Variants in SMAD2 observed in about 807,000 individuals in gnomAD.
SMAD2 encodes the protein MAD homolog 2.
SMAD2 carries 8 observed loss-of-function variants against 64.4 expected under a neutral mutation model. The ratio of observed to expected loss-of-function variants is 0.12; its 90% CI spans 0.07 to 0.22. The LOEUF (loss-of-function observed/expected upper bound fraction) is 0.22, where lower values mean the gene tolerates loss of function less well. SMAD2 is among the 10% of genes least tolerant of loss of function. The pLI is 1.00. For synonymous variants in SMAD2, 203 were observed against 195.8 expected (o/e 1.04, Z -0.31); for missense variants, 289 against 561.2 (o/e 0.51, Z 4.90).
Position 47,830,107 on chromosome 18 carries a change from C to T in SMAD2, c.*11720G>A, listed in dbSNP as rs940410913. 8.5e-5 allele frequency: 13 copies of T among 152,070 alleles called. No homozygotes were observed. Among genetic ancestry groups the T allele is most frequent in the African/African-American group, 2.9e-4 (12 of 41,410 alleles). The allele number at this position is 152,070 out of a possible 1,614,324, so 9.4% of individuals were successfully genotyped here. A position where few individuals can be genotyped will look rare whatever the true frequency, so the allele number is the denominator to read the frequency against. On this transcript the variant is annotated 3_prime_UTR_variant, in exon 11 of 11. Coordinates refer to ENST00000262160, the MANE Select transcript of SMAD2 (RefSeq NM_005901.6). ...CCTTAGAATATGTGTTTGTGATTGA[C>T]GATGTACATTTTTAAATGTGGTGAT...
intron 1 of SMAD2, among the ~76,000 whole-genome samples, chr18:47,924,467 CT>C (rs935951805): frequency 2.8e-3 from 404 of 142,930 alleles, no homozygotes; most frequent in African/African-American, 7.3e-3. Flanking sequence ...TCTTTTTTTT[CT>C]TTTTTTTTTT....
At chr18:47,898,440 A>G (rs1184313817) in intron 1 of SMAD2, among the ~76,000 whole-genome samples, 2 of 152,246 alleles carry the variant, frequency 1.3e-5, no homozygotes, top group African/African-American at 4.8e-5. Context: ...AAACTGGATA[A>G]AACATTTTTA....
chr18:47,881,796 T>C (rs993418356), intron 2 of SMAD2, among the ~76,000 whole-genome samples: 6 of 152,204 alleles, frequency 3.9e-5, no homozygotes, highest in African/African-American at 1.4e-4. Context: ...GGATGATGAA[T>C]TTTGTCAAAT....
In SMAD2 at chr18:47,834,378, AG is replaced by A. The variant is rs1913208780; in HGVS notation, c.*7448del. ...TAAGGCCTCTGATGTGCTACTTATC[AG>A]AAAAATCCACATATATACAAAACTC... On this transcript the variant is annotated 3_prime_UTR_variant, in exon 11 of 11. Transcript: ENST00000262160. 1 of 207,904 alleles carries A rather than the reference AG, an allele frequency of 4.8e-6. No individual in the cohort carries two copies. Among genetic ancestry groups the A allele is most frequent in the African/African-American group, 2.3e-5 (1 of 43,912 alleles). The allele number at this position is 207,904 out of a possible 1,614,324, so 12.9% of individuals were successfully genotyped here.
rs901710584 is a variant in SMAD2, at chr18:47,835,512, GAGAAA to G, written c.*6310_*6314del. 5.1e-6 allele frequency: 1 copy of G among 195,242 alleles called. No individual in the cohort carries two copies. The highest frequency in any genetic ancestry group is 1.1e-5 in the Non-Finnish European group (1 of 93,922). 12.1% of individuals were successfully genotyped at this position (195,242 alleles called of 1,614,324 possible). On this transcript the variant is annotated 3_prime_UTR_variant, in exon 11 of 11. Coordinates refer to ENST00000262160, the MANE Select transcript of SMAD2 (RefSeq NM_005901.6). ...ACAAATGTTTTCTTAGGGACTTACT[GAGAAA>G]AGAAAAAACTTACTGGGAGAACAGA... is the stretch of plus-strand genomic sequence containing the variant.
At chr18:47,868,185 A>G (rs2031702479) in intron 5 of SMAD2, 138 bp downstream of exon 5, 2 of 738,814 alleles carry the variant, frequency 2.7e-6, no homozygotes, top group Non-Finnish European at 4.8e-6. Context: ...CAAAATAATC[A>G]CCCAACGAAT....
chr18:47,859,210 C>T (rs2030972229), intron 6 of SMAD2, among the ~76,000 whole-genome samples: 1 of 151,974 alleles, frequency 6.6e-6, no homozygotes, highest in South Asian at 2.1e-4. Context: ...ACTGACAGGA[C>T]TAAAGGCACA....
In SMAD2 at chr18:47,847,208, C is replaced by T. The variant is rs189893705; in HGVS notation, c.997+1267G>A. ...ACTATTTTAGTTAAAGCACCTACAGCGACACTGGGTATCTTAATAAGATTA... is the reference window on the plus strand; with the variant it reads ...ACTATTTTAGTTAAAGCACCTACAGTGACACTGGGTATCTTAATAAGATTA... On this transcript the variant is annotated intron_variant, in intron 8 of 10. Coordinates refer to ENST00000262160, the MANE Select transcript of SMAD2 (RefSeq NM_005901.6). Among the ~76,000 whole-genome samples the T allele has an allele frequency of 1.6e-3, 236 of 152,176 alleles. 1 individual carries two copies. The highest frequency in any genetic ancestry group is 5.5e-3 in the African/African-American group (230 of 41,536).
At chr18:47,853,359 T>A in intron 6 of SMAD2, 1 of 211,128 alleles carries the variant, frequency 4.7e-6, no homozygotes, top group Non-Finnish European at 7.7e-6. Flanking sequence ...AGACGTCTTG[T>A]GATGTAATTA....
intron 2 of SMAD2, among the ~76,000 whole-genome samples, chr18:47,872,655 T>A (rs2032007519): frequency 6.6e-6 from 1 of 152,118 alleles, no homozygotes; most frequent in Non-Finnish European, 1.5e-5. Context: ...AGATCAGCAG[T>A]GGCATTAGAT....
chr18:47,905,627 T>C (rs567610948), intron 1 of SMAD2, among the ~76,000 whole-genome samples: 3 of 152,268 alleles, frequency 2.0e-5, no homozygotes, highest in African/African-American at 7.2e-5. Context: ...CCCACACATA[T>C]ACAGTCAACT....
intron 1 of SMAD2, among the ~76,000 whole-genome samples, chr18:47,899,805 T>C (rs893735291): frequency 6.6e-6 from 1 of 152,218 alleles, no homozygotes; most frequent in Non-Finnish European, 1.5e-5. Flanking sequence ...CCTTCTTTGA[T>C]GCAAACAGCT....
chr18:47,871,976 C>T (rs1598808800), intron 2 of SMAD2, among the ~76,000 whole-genome samples: 1 of 152,128 alleles, frequency 6.6e-6, no homozygotes, highest in African/African-American at 2.4e-5. Context: ...TGTATCAGAA[C>T]ATTTCACTCA....
chr18:47,855,197 A>G (rs1340681243), intron 6 of SMAD2, among the ~76,000 whole-genome samples: 1 of 152,232 alleles, frequency 6.6e-6, no homozygotes, highest in Admixed American at 6.5e-5. Flanking sequence ...ACGAAATGAC[A>G]TTATTACTTG....
At position 47,841,149 on chromosome 18, in the gene SMAD2, AAAAAAAAC is replaced by A. The variant is rs1333947452; in HGVS notation, c.*670_*677del. On this transcript the variant is annotated 3_prime_UTR_variant, in exon 11 of 11. Coordinates refer to ENST00000262160, the MANE Select transcript of SMAD2 (RefSeq NM_005901.6). ...CTTATAATAAGATTTAGCAGTTAAA[AAAAAAAAC>A]AAAAAAAAACAAAAAACCACAAAAA... 6.3e-3 allele frequency: 1,106 copies of A among 175,846 alleles called. 8 individuals carry two copies. Among genetic ancestry groups the A allele is most frequent in the African/African-American group, 0.03 (861 of 29,126 alleles). 10.9% of individuals were successfully genotyped at this position (175,846 alleles called of 1,614,324 possible). A position where few individuals can be genotyped will look rare whatever the true frequency, so the allele number is the denominator to read the frequency against.
chr18:47,816,396 T>C lies in SMAD2; in HGVS notation c.*25431A>G, dbSNP rs890679452. 3.9e-5 allele frequency: 6 copies of C among 152,202 alleles called. No individual in the cohort carries two copies. The highest frequency in any genetic ancestry group is 1.4e-4 in the African/African-American group (6 of 41,442). 9.4% of individuals were successfully genotyped at this position (152,202 alleles called of 1,614,324 possible). A position where few individuals can be genotyped will look rare whatever the true frequency, so the allele number is the denominator to read the frequency against. On this transcript the variant is annotated 3_prime_UTR_variant, in exon 11 of 11. Coordinates refer to ENST00000262160, the MANE Select transcript of SMAD2 (RefSeq NM_005901.6). ...TTATAAATTGGAAAATGAGAAAAGA[T>C]AGTCTGGTATAACTGCCTGAACAAC...
At chr18:47,889,113 GA>G (rs1008412182) in intron 2 of SMAD2, among the ~76,000 whole-genome samples, 9 of 151,434 alleles carry the variant, frequency 5.9e-5, no homozygotes, top group Middle Eastern at 3.2e-3. Context: ...AAGAGAAAAA[GA>G]AAAAAAAGGA....
At position 47,848,519 on chromosome 18, in the gene SMAD2, T is replaced by A; in HGVS notation, c.953A>T (p.Asn318Ile). The A allele has an allele frequency of 6.2e-7, 1 of 1,613,980 alleles. No homozygotes were observed. Among genetic ancestry groups the A allele is most frequent in the Non-Finnish European group, 8.5e-7 (1 of 1,179,848 alleles). ...SERFCLGLLSNVNRNATVEMT... is the reference protein window; with the variant it reads ...SERFCLGLLSIVNRNATVEMT... ...TTCTACCGTGGCATTTCGGTTAACATTGGAGAGTAAACCTAAGCAGAACCT... is the reference window on the plus strand; with the variant it reads ...TTCTACCGTGGCATTTCGGTTAACAATGGAGAGTAAACCTAAGCAGAACCT... Residue 318 changes from asparagine (N) to isoleucine (I), a missense_variant, in exon 8 of 11, where the codon AAT (asparagine) becomes ATT (isoleucine). Physicochemically the swap from Asn to Ile is moderately radical, Grantham distance 149 (BLOSUM62 -3). Around this residue, in one of 6 missense-constraint regions of SMAD2, gnomAD observed 49 missense variants for 101.1 expected, o/e 0.48. Coordinates refer to ENST00000262160, the MANE Select transcript of SMAD2 (RefSeq NM_005901.6).
chr18:47,924,117 G>A (rs578009638), intron 1 of SMAD2, among the ~76,000 whole-genome samples: 43 of 151,940 alleles, frequency 2.8e-4, no homozygotes, highest in Admixed American at 2.2e-3. Flanking sequence ...ACATGGTGGC[G>A]CATGCCTGTA....
Sources: allele counts gnomAD v4.1 joint callset (sites outside exome capture counted in the v4.1 genomes callset), GRCh38; gene constraint gnomAD v4.1.1; regional missense constraint gnomAD v4.1.1; transcripts MANE v1.5; gene names NCBI Gene and HGNC (gene_info 2026-07-23, HGNC 2026-07-21).